The following ZSCAN18 variants were observed in gnomAD, a reference collection of about 807,000 sequenced individuals.
ZSCAN18 encodes zinc finger and SCAN domain-containing protein 18.
A neutral mutation model predicts 31.1 loss-of-function variants in ZSCAN18; 16 were observed. That is an observed-to-expected ratio of 0.51 (90% confidence interval 0.35 to 0.78). ZSCAN18 has a LOEUF of 0.78. Among genes scored for constraint, ZSCAN18 ranks in the 30% least tolerant of loss-of-function variants. ZSCAN18 has a pLI of 0.01. For synonymous variants in ZSCAN18, 375 were observed against 320.7 expected (o/e 1.17, Z -1.81); for missense variants, 731 against 697.4 (o/e 1.05, Z -0.54).
intron 4 of ZSCAN18, 126 bp downstream of exon 4, chr19:58,087,190 T>C: frequency 9.0e-7 from 1 of 1,109,796 alleles, no homozygotes; most frequent in Middle Eastern, 2.2e-4. Context: ...CCCACCAGGG[T>C]GGGTTCTGGG....
chr19:58,089,890 G>C lies in ZSCAN18; in HGVS notation c.378C>G (p.Gly126=). 6.2e-7 allele frequency: 1 copy of C among 1,612,318 alleles called. No homozygotes were observed. Among genetic ancestry groups the C allele is most frequent in the Non-Finnish European group, 8.5e-7 (1 of 1,178,744 alleles). ...SCKKAASLVE[G]LADVLEEPGM... is the part of the protein sequence containing the mutation. Reference sequence around the variant, plus strand: ...CTGGCTCTTCCAGGACATCAGCGAGGCCCTCCACCAGGGAGGCTGCCTTCT... The same window carrying C: ...CTGGCTCTTCCAGGACATCAGCGAGCCCCTCCACCAGGGAGGCTGCCTTCT... Residue 126 remains glycine, a synonymous_variant, in exon 2 of 7, where the codon GGC becomes GGG. Transcript: ENST00000601144.
chr19:58,104,661 C>G (rs1366433268), intron 1 of ZSCAN18, among the ~76,000 whole-genome samples: 1 of 151,926 alleles, frequency 6.6e-6, no homozygotes, highest in African/African-American at 2.4e-5. Flanking sequence ...CGAGATCATG[C>G]CACTGCACAC....
At chr19:58,091,901 A>G (rs950078772) in intron 1 of ZSCAN18, among the ~76,000 whole-genome samples, 2 of 152,082 alleles carry the variant, frequency 1.3e-5, no homozygotes, top group African/African-American at 4.8e-5. Flanking sequence ...TTATAGGGAA[A>G]ACCATAGAGT....
At position 58,085,347 on chromosome 19, in the gene ZSCAN18, C is replaced by T. The variant is rs969161298; in HGVS notation, c.871G>A (p.Ala291Thr). The T allele has an allele frequency of 3.1e-6, 5 of 1,592,430 alleles. No individual in the cohort carries two copies. Among genetic ancestry groups the T allele is most frequent in the Non-Finnish European group, 3.4e-6 (4 of 1,177,502 alleles). ...CCCGCGGGGGCGGCCTCCTCGCAGG[C>T]GCACCCAGCGCTCTCCTGCCGCCTC... ...GGRRQESAGC[A>T]CEEAAPAGVL... Residue 291 changes from alanine (A) to threonine (T), a missense_variant, in exon 7 of 7, where the codon GCC becomes ACC. By Grantham distance (58) the Ala-to-Thr change is moderately conservative. This residue lies in a region of ZSCAN18 where 597 missense variants were observed against 499.5 expected (regional missense o/e 1.20). Transcript: ENST00000601144.
rs1296172335 is a variant in ZSCAN18 at position 58,088,778 on chromosome 19, T to C, written c.463A>G (p.Arg155Gly). The C allele has an allele frequency of 6.2e-7, 1 of 1,612,108 alleles. No individual in the cohort carries two copies. Among genetic ancestry groups the C allele is most frequent in the South Asian group, 1.1e-5 (1 of 91,084 alleles). Residue 155 changes from arginine to glycine, a missense_variant, in exon 3 of 7, where the codon AGG becomes GGG. Coordinates refer to ENST00000601144, the MANE Select transcript of ZSCAN18 (RefSeq NM_001145543.2). ...GGTAGCAGCAGAGGGTCCATGTGCC[T>C]CTCGTACACTCCATCGCTAAGAATT... Reference protein sequence around the residue: ...SSILSDGVYERHMDPLLLPGE... With the variant: ...SSILSDGVYEGHMDPLLLPGE...
intron 1 of ZSCAN18, chr19:58,109,219 G>T (rs1678183519): frequency 1.6e-6 from 2 of 1,231,622 alleles, no homozygotes; most frequent in South Asian, 4.1e-5. Context: ...CATCCCTGAT[G>T]AACCTTTTTA....
intron 1 of ZSCAN18, chr19:58,107,765 C>A: frequency 1.0e-6 from 1 of 991,566 alleles, no homozygotes. Flanking sequence ...CCATAGGTCT[C>A]AGTCCAATGT....
intron 1 of ZSCAN18, among the ~76,000 whole-genome samples, chr19:58,113,017 TAAACA>T (rs1159939346): frequency 1.5e-5 from 2 of 136,600 alleles, no homozygotes. Context: ...AATTTTCACA[TAAACA>T]AAAGGGTCAA....
At chr19:58,114,362 TCA>T (rs1261547381) in intron 1 of ZSCAN18, among the ~76,000 whole-genome samples, 1 of 152,212 alleles carries the variant, frequency 6.6e-6, no homozygotes, top group Non-Finnish European at 1.5e-5. Context: ...AAATTATTGC[TCA>T]TTTTCTTAGG....
chr19:58,116,134 GCACA>G lies in ZSCAN18; in HGVS notation c.130+2129_130+2132del, dbSNP rs2074728182. On this transcript the variant is annotated intron_variant, in intron 1 of 1. Coordinates refer to the ZSCAN18 transcript ENST00000595721. ...GCCAATTTCAAACACACGCACGCAT[GCACA>G]CACAAACACCCCATACTCCATATTG... 3.3e-5 allele frequency among the ~76,000 whole-genome samples: 5 copies of G among 150,160 alleles called. No individual in the cohort carries two copies. The South Asian group carries it at 1.1e-3, about 32-fold the overall frequency.
chr19:58,086,307 A>C, intron 5 of ZSCAN18, 41 bp from the exon 6 acceptor site: 1 of 1,572,870 alleles, frequency 6.4e-7, no homozygotes, highest in Non-Finnish European at 8.7e-7. Context: ...AGGCATCAAC[A>C]CAGAGTGGCT....
rs761487636 is a variant in ZSCAN18, at chr19:58,084,757, C to A, written c.1461G>T (p.Gly487=). The A allele has an allele frequency of 5.4e-5, 84 of 1,565,870 alleles. No homozygotes were observed. The highest frequency in any genetic ancestry group is 5.0e-4 in the South Asian group (43 of 86,412). The part of the protein sequence containing the change: ...PQPSTREAQA[G]ARAGGPPESV... ...TCTCTGGGGGACCGCCCGCCCTAGC[C>A]CCCGCCTGGGCTTCGCGGGTGGACG... Residue 487 remains glycine, a synonymous_variant, in exon 7 of 7, where the codon GGG becomes GGT. Transcript: ENST00000601144. This position sits in a 1 kb window ranked among gnomAD's most constrained non-coding sequence, Gnocchi z 4.5.
rs1437587808 is a variant in ZSCAN18, at chr19:58,087,361, G to A, written c.597C>T (p.Val199=). The change falls in exon 4 of 7, where the codon GTC becomes GTT. Residue 199 remains valine (V), a synonymous_variant. Transcript: ENST00000601144. ...CGTCCTCTTCGGTCTTTGCTTCTCT[G>A]ACCCTCCTCTGTTCCAGAAACAGGG... The part of the protein sequence containing the change: ...PDPLFLEQRR[V]REAKTEEDGP... The A allele has an allele frequency of 6.2e-7, 1 of 1,607,766 alleles. No homozygotes were observed. The highest frequency in any genetic ancestry group is 8.5e-7 in the Non-Finnish European group (1 of 1,177,136).
intron 1 of ZSCAN18, among the ~76,000 whole-genome samples, chr19:58,095,200 G>C (rs1180772592): frequency 2.0e-5 from 3 of 152,198 alleles, no homozygotes; most frequent in Non-Finnish European, 2.9e-5. Context: ...TGCATGGACA[G>C]AGGTGTGGTC....
intron 1 of ZSCAN18, among the ~76,000 whole-genome samples, chr19:58,094,825 C>T (rs1249210723): frequency 7.6e-6 from 1 of 131,962 alleles, no homozygotes; most frequent in African/African-American, 2.9e-5. Flanking sequence ...CTTCAGTGAG[C>T]TGTGATCACA....
intron 1 of ZSCAN18, among the ~76,000 whole-genome samples, chr19:58,096,853 G>A (rs1019217878): frequency 1.3e-5 from 2 of 152,162 alleles, no homozygotes; most frequent in African/African-American, 2.4e-5. Flanking sequence ...AAAAAACATG[G>A]AGTAAGGGTC....
Position 58,088,616 on chromosome 19 carries a change from C to T in ZSCAN18, c.553+72G>A, listed in dbSNP as rs80292625. 5,454 of 1,539,828 alleles carry T rather than the reference C, an allele frequency of 3.5e-3. 168 individuals are homozygous for T. In the African/African-American group the frequency reaches 0.062, roughly 18 times the overall value. ...CTCCCTGGCTGCCCTTCTGCCCTCT[C>T]CCAACCACAGGCCTCTGCCCAACAC... On this transcript the variant is annotated intron_variant, in intron 3 of 6. Transcript: ENST00000601144.
rs2074358339 is a variant in ZSCAN18 at position 58,089,309 on chromosome 19, A to ACC, written c.404-473_404-472insGG. Among the ~76,000 whole-genome samples, 88 of 50,794 alleles carry ACC rather than the reference A, an allele frequency of 1.7e-3. 2 individuals carry two copies. The highest frequency in any genetic ancestry group is 6.6e-3 in the African/African-American group (80 of 12,208). 33.3% of individuals were successfully genotyped at this position (50,794 alleles called of 152,430 possible). A position where few individuals can be genotyped will look rare whatever the true frequency, so the allele number is the denominator to read the frequency against. The stretch of plus-strand genomic sequence containing the variant: ...CAGAGCGAGACTCCGTCTCAAAAAA[A>ACC]AAAAAAAAAAAAAAAAAAAAAAAAA... On this transcript the variant is annotated intron_variant, in intron 2 of 6. Transcript: ENST00000601144.
chr19:58,116,685 A>G (rs1274400004), intron 1 of ZSCAN18, among the ~76,000 whole-genome samples: 2 of 152,134 alleles, frequency 1.3e-5, no homozygotes, highest in Non-Finnish European at 2.9e-5. Flanking sequence ...CCTGCAACCC[A>G]GCAGCAAACA....
Sources: gnomAD v4.1 joint callset for allele counts (sites outside exome capture counted in the v4.1 genomes callset) on GRCh38, gnomAD v4.1.1 for gene constraint, gnomAD v4.1.1 regional missense constraint, Gnocchi (gnomAD v3.1) non-coding constraint, MANE v1.5 for transcripts, NCBI Gene and HGNC (gene_info 2026-07-23, HGNC 2026-07-21) for gene names.